CADM2: variants seen among roughly 807,000 people sequenced by gnomAD.
CADM2 encodes the protein immunoglobulin superfamily member 4D.
In CADM2, 12 loss-of-function variants were observed where a neutral mutation model predicts 49.8. The observed-to-expected ratio is 0.24, with a 90% confidence interval of 0.15 to 0.39. The LOEUF (loss-of-function observed/expected upper bound fraction) is 0.39. CADM2 is among the 10% of genes least tolerant of loss of function. The pLI is 1.00. For synonymous variants in CADM2, 214 were observed against 175.4 expected (o/e 1.22, Z -1.74); for missense variants, 378 against 492.3 (o/e 0.77, Z 2.20).
At chr3:85,487,948 C>T (rs2039499515) in intron 1 of CADM2, among the ~76,000 whole-genome samples, 1 of 151,992 alleles carries the variant, frequency 6.6e-6, no homozygotes, top group South Asian at 2.1e-4. Flanking sequence ...ATTTCACACC[C>T]CATTTTACAA....
At chr3:86,018,794 T>C (rs1052053099) in intron 8 of CADM2, among the ~76,000 whole-genome samples, 1 of 151,852 alleles carries the variant, frequency 6.6e-6, no homozygotes, top group Non-Finnish European at 1.5e-5. Context: ...GTCAGATGAG[T>C]AGGTTGTGAA....
intron 1 of CADM2, among the ~76,000 whole-genome samples, chr3:85,556,455 A>G (rs1000664870): frequency 6.6e-6 from 1 of 152,146 alleles, no homozygotes; most frequent in South Asian, 2.1e-4. Flanking sequence ...TTAACGTCAA[A>G]AACTACACTG....
rs1242323753 is a variant in CADM2 at position 85,079,720 on chromosome 3, A to T, written c.61+120052A>T. On this transcript the variant is annotated intron_variant, in intron 1 of 9. Transcript: ENST00000383699. ...TATAATAAATACAAAAATAAAAAAA[A>T]TTACATAGCAATAGCTTGAAGAATA... Among the ~76,000 whole-genome samples the T allele has an allele frequency of 2.0e-5, 3 of 152,082 alleles. No individual in the cohort carries two copies. In the East Asian group the frequency reaches 5.8e-4, roughly 29 times the overall value.
chr3:85,892,136 C>A (rs943900997), intron 5 of CADM2, among the ~76,000 whole-genome samples: 1 of 152,154 alleles, frequency 6.6e-6, no homozygotes, highest in Admixed American at 6.5e-5. Context: ...AGAGGCATTG[C>A]AAGCAAGAGC....
At chr3:85,703,943 A>C (rs2066859737) in intron 1 of CADM2, among the ~76,000 whole-genome samples, 1 of 152,206 alleles carries the variant, frequency 6.6e-6, no homozygotes, top group African/African-American at 2.4e-5. Flanking sequence ...CATCTACCTC[A>C]TGAAAAACAT....
At chr3:85,171,385 T>G (rs2107685221) in intron 1 of CADM2, among the ~76,000 whole-genome samples, 1 of 152,352 alleles carries the variant, frequency 6.6e-6, no homozygotes, top group Admixed American at 6.5e-5. Context: ...TAAAAGTTCT[T>G]ATTATTTATT....
chr3:85,568,403 CTTT>C, intron 1 of CADM2, among the ~76,000 whole-genome samples: 1 of 26,916 alleles, frequency 3.7e-5, no homozygotes, highest in Non-Finnish European at 8.0e-5. Context: ...CTCCCTCTTT[CTTT>C]CTTTCTTTCT....
At chr3:85,543,420 A>ATGTGTGTGGGTGTGTGTGTGTGTGTG (rs372108050) in intron 1 of CADM2, among the ~76,000 whole-genome samples, 97 of 129,640 alleles carry the variant, frequency 7.5e-4, no homozygotes, top group East Asian at 1.9e-3. Context: ...TGCCAAGCTA[A>ATGTGTGTGGGTGTGTGTGTGTGTGTG]TGTGTGTGTG....
chr3:85,944,212 C>G (rs933508910), intron 7 of CADM2, among the ~76,000 whole-genome samples: 4 of 151,894 alleles, frequency 2.6e-5, no homozygotes, highest in Non-Finnish European at 5.9e-5. Flanking sequence ...AATTCGACAA[C>G]AAGAGCGAAC....
chr3:84,965,775 G>A (rs1575932917), intron 1 of CADM2, among the ~76,000 whole-genome samples: 2 of 152,214 alleles, frequency 1.3e-5, no homozygotes, highest in Middle Eastern at 3.4e-3. Flanking sequence ...AGCATTTCCT[G>A]TACTATGAAA....
At chr3:85,647,414 A>G (rs1019618334) in intron 1 of CADM2, among the ~76,000 whole-genome samples, 14 of 151,800 alleles carry the variant, frequency 9.2e-5, no homozygotes, top group African/African-American at 3.4e-4. Flanking sequence ...TGTGGAATAT[A>G]TATATTTGTG....
intron 2 of CADM2, among the ~76,000 whole-genome samples, chr3:85,769,668 A>C (rs566929961): frequency 7.1e-6 from 1 of 141,252 alleles, no homozygotes; most frequent in African/African-American, 2.5e-5. Context: ...TAGTATATAT[A>C]TACACATATA....
intron 1 of CADM2, among the ~76,000 whole-genome samples, chr3:85,563,411 T>TGGTG (rs2062156747): frequency 7.0e-6 from 1 of 142,044 alleles, no homozygotes; most frequent in African/African-American, 2.5e-5. Flanking sequence ...TGTGTGTGTG[T>TGGTG]GGGGGGGTGG....
rs547316298 is a variant in CADM2 at position 85,617,025 on chromosome 3, C to T, written c.62-109497C>T. Among the ~76,000 whole-genome samples the T allele has an allele frequency of 3.3e-5, 5 of 152,266 alleles. No individual in the cohort carries two copies. The East Asian group carries it at 9.7e-4, about 29-fold the overall frequency. ...CTCTGCTCTCATGCAGTGATCAACA[C>T]AGAAGATTTCTGTGAAAACCACAGG... On this transcript the variant is annotated intron_variant, in intron 1 of 9. Coordinates refer to ENST00000383699, the MANE Select transcript of CADM2 (RefSeq NM_001167675.2).
At chr3:85,637,426 C>A (rs1458997244) in intron 1 of CADM2, among the ~76,000 whole-genome samples, 2 of 148,818 alleles carry the variant, frequency 1.3e-5, no homozygotes, top group African/African-American at 2.5e-5. Context: ...CAAGGTGAAA[C>A]CCCGTCTCTA....
chr3:85,664,369 A>G (rs961927641), intron 1 of CADM2, among the ~76,000 whole-genome samples: 1 of 151,944 alleles, frequency 6.6e-6, no homozygotes, highest in Non-Finnish European at 1.5e-5. Flanking sequence ...CTCTTCCCCA[A>G]AATGTGTTTC....
At chr3:85,850,323 T>C (rs867374964) in intron 3 of CADM2, among the ~76,000 whole-genome samples, 23 of 113,170 alleles carry the variant, frequency 2.0e-4, no homozygotes, top group African/African-American at 8.8e-4. Flanking sequence ...TCTTTTTTTT[T>C]TTTTTTTTTT....
intron 1 of CADM2, among the ~76,000 whole-genome samples, chr3:84,992,142 A>G (rs1013557780): frequency 2.6e-5 from 4 of 152,110 alleles, no homozygotes; most frequent in African/African-American, 7.2e-5. Flanking sequence ...AATGTAAACT[A>G]TGGACTCTGG....
At chr3:85,634,411 C>A (rs1047128255) in intron 1 of CADM2, among the ~76,000 whole-genome samples, 3 of 151,896 alleles carry the variant, frequency 2.0e-5, no homozygotes, top group Non-Finnish European at 2.9e-5. Context: ...TATTTTTGAG[C>A]TTATTTTCTT....
Sources: allele counts gnomAD v4.1 joint callset (sites outside exome capture counted in the v4.1 genomes callset), GRCh38; gene constraint gnomAD v4.1.1; transcripts MANE v1.5; gene names NCBI Gene and HGNC (gene_info 2026-07-23, HGNC 2026-07-21).